PDE4D: variants seen among roughly 807,000 people sequenced by gnomAD.
PDE4D encodes the protein 3',5'-cyclic-AMP phosphodiesterase 4D.
In PDE4D, 24 loss-of-function variants were observed where a neutral mutation model predicts 87.4. The observed-to-expected ratio is 0.27, with a 90% CI of 0.20 to 0.39. The LOEUF (loss-of-function observed/expected upper bound fraction) is 0.39. PDE4D is among the 10% of genes least tolerant of loss of function. The pLI, the probability that PDE4D is intolerant of heterozygous loss-of-function variation, is 1.00. For synonymous variants in PDE4D, 384 were observed against 383.2 expected, an observed-to-expected ratio of 1.00 and a Z score of -0.02; for missense variants, 714 against 1,041.0, an observed-to-expected ratio of 0.69 and a Z score of 4.32.
chr5:59,916,943 A>T (rs1317091675), intron 3 of PDE4D, among the ~76,000 whole-genome samples: 1 of 141,760 alleles, frequency 7.1e-6, no homozygotes, highest in Non-Finnish European at 1.5e-5. Flanking sequence ...GTGCACCACC[A>T]TGCCCGGCTA....
intron 2 of PDE4D, among the ~76,000 whole-genome samples, chr5:60,031,473 G>A (rs931278801): frequency 3.3e-5 from 5 of 152,160 alleles, no homozygotes; most frequent in Admixed American, 3.3e-4. Context: ...AAGCATGCAG[G>A]CTGCTGCAGA....
chr5:60,061,526 A>C (rs1173060565), intron 2 of PDE4D, among the ~76,000 whole-genome samples: 1 of 151,724 alleles, frequency 6.6e-6, no homozygotes, highest in African/African-American at 2.4e-5. Context: ...TTATAGATTA[A>C]GTGCTATTCT....
At chr5:59,636,088 A>G (rs1445055436) in intron 1 of PDE4D, among the ~76,000 whole-genome samples, 1 of 6,154 alleles carries the variant, frequency 1.6e-4, no homozygotes, top group African/African-American at 8.1e-4. Flanking sequence ...CTATACACAA[A>G]TAATAGACAA....
intron 11 of PDE4D, among the ~76,000 whole-genome samples, chr5:58,987,155 C>CCCTCCCCACTGATA (rs528873253): frequency 0.011 from 1,642 of 152,152 alleles, 18 homozygotes; most frequent in Non-Finnish European, 0.014. Flanking sequence ...ACATAATGAA[C>CCCTCCCCACTGATA]CCTCCCCACT....
At chr5:60,078,260 A>G (rs551208697) in intron 2 of PDE4D, among the ~76,000 whole-genome samples, 4 of 152,290 alleles carry the variant, frequency 2.6e-5, no homozygotes, top group Admixed American at 2.6e-4. Context: ...TGTGCTCTCT[A>G]GGTGAGTCTG....
chr5:59,065,597 C>G (rs1210162444), intron 5 of PDE4D, among the ~76,000 whole-genome samples: 1 of 152,056 alleles, frequency 6.6e-6, no homozygotes, highest in Non-Finnish European at 1.5e-5. Context: ...GGGTGTATAC[C>G]TGTCTCCAAA....
At chr5:59,772,599 T>G (rs1763687733) in intron 1 of PDE4D, among the ~76,000 whole-genome samples, 1 of 152,170 alleles carries the variant, frequency 6.6e-6, no homozygotes, top group African/African-American at 2.4e-5. Flanking sequence ...AAAGTGTGCT[T>G]TTGTCTAGGT....
intron 1 of PDE4D, among the ~76,000 whole-genome samples, chr5:60,372,199 T>C (rs1175594628): frequency 1.3e-5 from 2 of 149,660 alleles, no homozygotes; most frequent in Non-Finnish European, 3.0e-5. Context: ...GTACTGTAGA[T>C]TTCATTTGCA....
intron 6 of PDE4D, among the ~76,000 whole-genome samples, chr5:59,036,853 C>T (rs1758607667): frequency 6.6e-6 from 1 of 152,150 alleles, no homozygotes; most frequent in African/African-American, 2.4e-5. Flanking sequence ...CCTAATTTTT[C>T]AGCCACAAGA....
At chr5:59,370,344 T>A (rs1037713217) in intron 1 of PDE4D, among the ~76,000 whole-genome samples, 7 of 152,176 alleles carry the variant, frequency 4.6e-5, no homozygotes, top group African/African-American at 1.4e-4. Flanking sequence ...TGGCCTCCTT[T>A]TCTATTCTCT....
At chr5:59,305,758 G>A (rs534208077) in intron 1 of PDE4D, among the ~76,000 whole-genome samples, 1 of 152,278 alleles carries the variant, frequency 6.6e-6, no homozygotes, top group African/African-American at 2.4e-5. Context: ...ACTGTGGTCT[G>A]ACAGAGTGCT....
intron 3 of PDE4D, among the ~76,000 whole-genome samples, chr5:59,925,024 A>C (rs2152781889): frequency 6.6e-6 from 1 of 151,872 alleles, no homozygotes; most frequent in Admixed American, 6.6e-5. Flanking sequence ...AAATACAAAA[A>C]ATTAGCTGGG....
Position 60,143,845 on chromosome 5 carries a change from C to T in PDE4D, c.42+41712G>A, listed in dbSNP as rs375650928. On this transcript the variant is annotated intron_variant, in intron 2 of 16. Transcript: ENST00000502484. ...CACATAAGATCCCAAACTAGTCTTG[C>T]CCTAATATTAAATATGATAAAAGTT... 5.3e-4 allele frequency among the ~76,000 whole-genome samples: 80 copies of T among 152,078 alleles called. No individual in the cohort carries two copies. The East Asian group carries it at 0.011, about 22-fold the overall frequency.
intron 2 of PDE4D, among the ~76,000 whole-genome samples, chr5:60,088,468 G>C (rs1270890476): frequency 3.9e-5 from 6 of 152,094 alleles, no homozygotes; most frequent in South Asian, 4.1e-4. Flanking sequence ...AATTGATTAA[G>C]AGTTAGGCAA....
intron 2 of PDE4D, among the ~76,000 whole-genome samples, chr5:60,145,743 T>C (rs1780933473): frequency 6.6e-6 from 1 of 152,194 alleles, no homozygotes; most frequent in Non-Finnish European, 1.5e-5. Flanking sequence ...TAGAAGTAAT[T>C]GAGATCTGAA....
chr5:59,626,013 A>G (rs984322603), intron 1 of PDE4D, among the ~76,000 whole-genome samples: 3 of 152,200 alleles, frequency 2.0e-5, no homozygotes, highest in Admixed American at 6.5e-5. Flanking sequence ...GCATGAACCC[A>G]GGAGGCGGAG....
At chr5:59,541,051 C>T (rs955387357) in intron 1 of PDE4D, among the ~76,000 whole-genome samples, 6 of 152,124 alleles carry the variant, frequency 3.9e-5, no homozygotes, top group Admixed American at 6.5e-5. Flanking sequence ...AAAGAAACGA[C>T]GCCCTTAATA....
intron 2 of PDE4D, among the ~76,000 whole-genome samples, chr5:59,204,782 G>C (rs1748376264): frequency 6.6e-6 from 1 of 152,154 alleles, no homozygotes; most frequent in African/African-American, 2.4e-5. Context: ...AATGCCAGTG[G>C]CCCTGCCCTT....
chr5:59,996,210 A>C (rs1485494210), intron 2 of PDE4D, among the ~76,000 whole-genome samples: 1 of 152,238 alleles, frequency 6.6e-6, no homozygotes, highest in African/African-American at 2.4e-5. Context: ...CACTATGCAG[A>C]GCATTGTAAA....
Sources: allele counts gnomAD v4.1 joint callset (sites outside exome capture counted in the v4.1 genomes callset), GRCh38; gene constraint gnomAD v4.1.1; transcripts MANE v1.5; gene names NCBI Gene and HGNC (gene_info 2026-07-23, HGNC 2026-07-21).